Variants in TMEM132D observed in about 807,000 individuals in gnomAD.
The protein encoded by TMEM132D is transmembrane protein 132D, also known as mature OL transmembrane protein.
TMEM132D carries 21 observed loss-of-function variants against 62.3 expected under a neutral mutation model. That is an observed-to-expected ratio of 0.34 (90% CI 0.24 to 0.49). The LOEUF is 0.49. Among genes scored for constraint, TMEM132D ranks in the 20% least tolerant of loss-of-function variants. The pLI is 0.99. For synonymous variants in TMEM132D, 621 were observed against 575.6 expected (o/e 1.08, Z -1.13); for missense variants, 1,346 against 1,402.8 (o/e 0.96, Z 0.65).
At chr12:129,474,977 G>A (rs1248782404) in intron 3 of TMEM132D, among the ~76,000 whole-genome samples, 1 of 152,182 alleles carries the variant, frequency 6.6e-6, no homozygotes, top group African/African-American at 2.4e-5. Context: ...AGGACCTACT[G>A]TGTGCCTGAG....
intron 3 of TMEM132D, among the ~76,000 whole-genome samples, chr12:129,431,171 A>T (rs1161570814): frequency 6.6e-6 from 1 of 152,246 alleles, no homozygotes; most frequent in African/African-American, 2.4e-5. Flanking sequence ...TCTCACAAGT[A>T]GCCCTTGAGG....
At chr12:129,141,463 GA>G (rs1402633048) in intron 5 of TMEM132D, among the ~76,000 whole-genome samples, 2 of 152,196 alleles carry the variant, frequency 1.3e-5, no homozygotes, top group Admixed American at 6.5e-5. Context: ...GTATATGATG[GA>G]AAAACTCAAA....
At chr12:129,178,659 T>TG (rs753157159) in intron 5 of TMEM132D, among the ~76,000 whole-genome samples, 5 of 152,176 alleles carry the variant, frequency 3.3e-5, no homozygotes, top group Non-Finnish European at 7.4e-5. Flanking sequence ...GGGTAAAAGA[T>TG]GGGGGCAGTA....
intron 1 of TMEM132D, among the ~76,000 whole-genome samples, chr12:129,820,094 G>C (rs1296405708): frequency 6.6e-6 from 1 of 152,164 alleles, no homozygotes; most frequent in Non-Finnish European, 1.5e-5. Context: ...GCTAAAGCAA[G>C]CTCCTTACCT....
At chr12:129,202,022 AT>A (rs1878718647) in intron 5 of TMEM132D, among the ~76,000 whole-genome samples, 3 of 151,616 alleles carry the variant, frequency 2.0e-5, no homozygotes, top group African/African-American at 7.3e-5. Context: ...GAAAAAAAAA[AT>A]AAAACAAAAC....
chr12:129,783,414 T>C (rs1485316122), intron 1 of TMEM132D, among the ~76,000 whole-genome samples: 1 of 152,220 alleles, frequency 6.6e-6, no homozygotes, highest in Non-Finnish European at 1.5e-5. Context: ...TTACTATTAA[T>C]AAATTCCTTT....
intron 3 of TMEM132D, among the ~76,000 whole-genome samples, chr12:129,467,624 A>G (rs1873953505): frequency 6.6e-6 from 1 of 152,232 alleles, no homozygotes; most frequent in African/African-American, 2.4e-5. Context: ...ATTTGGGATG[A>G]TGACAGAGCA....
chr12:129,186,678 T>C (rs187466174), intron 5 of TMEM132D, among the ~76,000 whole-genome samples: 3 of 152,282 alleles, frequency 2.0e-5, no homozygotes, highest in East Asian at 1.9e-4. Flanking sequence ...ACCTACCCCA[T>C]AGGGATGTTA....
chr12:129,399,391 C>A (rs1218610580), intron 3 of TMEM132D, among the ~76,000 whole-genome samples: 1 of 152,138 alleles, frequency 6.6e-6, no homozygotes. Context: ...CCATGATAAC[C>A]AACCCACTCC....
Position 129,903,375 on chromosome 12 carries a change from G to C in TMEM132D, c.-36C>G. The C allele has an allele frequency of 6.5e-7, 1 of 1,547,400 alleles. No individual in the cohort carries two copies. The highest frequency in any genetic ancestry group is 1.4e-5 in the African/African-American group (1 of 73,086). ...CGGAGCGCAGATCCTCCGCTCCCCG[G>C]CGCCGTCCAGGCGAACAAGAGACCG... On this transcript the variant is annotated 5_prime_UTR_variant, in exon 1 of 9. Transcript: ENST00000422113. The surrounding 1 kb of genome is among the most constrained non-coding windows in gnomAD (Gnocchi z 6.2).
chr12:129,692,373 C>T (rs1016050507), intron 2 of TMEM132D, among the ~76,000 whole-genome samples: 1 of 152,192 alleles, frequency 6.6e-6, no homozygotes, highest in South Asian at 2.1e-4. Flanking sequence ...AGAAACTGCC[C>T]ACTTTTCAAT....
At chr12:129,686,238 A>C (rs979826634) in intron 2 of TMEM132D, among the ~76,000 whole-genome samples, 9 of 152,236 alleles carry the variant, frequency 5.9e-5, no homozygotes, top group African/African-American at 2.2e-4. Context: ...CTGATCTTGA[A>C]TTGTAGTTCC....
intron 1 of TMEM132D, among the ~76,000 whole-genome samples, chr12:129,712,936 T>G (rs545884402): frequency 4.3e-4 from 66 of 152,236 alleles, no homozygotes; most frequent in African/African-American, 1.6e-3. Context: ...CCAAGTGACC[T>G]TAGTGCCATC....
intron 3 of TMEM132D, among the ~76,000 whole-genome samples, chr12:129,367,306 G>T (rs1485762809): frequency 6.6e-6 from 1 of 152,190 alleles, no homozygotes; most frequent in Non-Finnish European, 1.5e-5. Context: ...CTTTCAGGTG[G>T]CTAGTGGCGG....
chr12:129,519,696 C>T (rs1313741108), intron 3 of TMEM132D, among the ~76,000 whole-genome samples: 1 of 151,836 alleles, frequency 6.6e-6, no homozygotes, highest in Admixed American at 6.6e-5. Context: ...GCAACCTCCG[C>T]CTCCTGGGTT....
intron 1 of TMEM132D, among the ~76,000 whole-genome samples, chr12:129,718,442 T>C (rs917333824): frequency 6.6e-6 from 1 of 152,212 alleles, no homozygotes; most frequent in Non-Finnish European, 1.5e-5. Flanking sequence ...GAAAGCTTTC[T>C]TCCCAGTTAA....
chr12:129,640,985 C>T (rs1879628230), intron 2 of TMEM132D, among the ~76,000 whole-genome samples: 1 of 152,090 alleles, frequency 6.6e-6, no homozygotes, highest in Admixed American at 6.5e-5. Flanking sequence ...TCAGATGGGA[C>T]CATTTAGTTG....
intron 1 of TMEM132D, among the ~76,000 whole-genome samples, chr12:129,817,866 GTA>G (rs1182292870): frequency 2.7e-5 from 4 of 148,282 alleles, no homozygotes; most frequent in Non-Finnish European, 4.5e-5. Flanking sequence ...GGTGTGAGGT[GTA>G]TGTGTGTGTG....
intron 3 of TMEM132D, among the ~76,000 whole-genome samples, chr12:129,490,029 C>G (rs1593034869): frequency 6.6e-6 from 1 of 152,180 alleles, no homozygotes; most frequent in Non-Finnish European, 1.5e-5. Flanking sequence ...TGAGGGCGCT[C>G]TTTATTAAAA....
Sources: gnomAD v4.1 joint callset for allele counts (sites outside exome capture counted in the v4.1 genomes callset) on GRCh38, gnomAD v4.1.1 for gene constraint, Gnocchi (gnomAD v3.1) non-coding constraint, MANE v1.5 for transcripts, NCBI Gene and HGNC (gene_info 2026-07-23, HGNC 2026-07-21) for gene names.